GYG1: variants seen among roughly 807,000 people sequenced by gnomAD.
The protein encoded by GYG1 is glycogenin-1.
Under a neutral mutation model 41.9 loss-of-function variants are expected in GYG1, and 44 were observed. That is an observed-to-expected ratio of 1.05 (90% confidence interval 0.83 to 1.35). The LOEUF (loss-of-function observed/expected upper bound fraction) is 1.35. Ranked by LOEUF, GYG1 falls within the 40% of genes most tolerant of loss-of-function variation. The pLI is 0.00. For synonymous variants in GYG1, 141 were observed against 158.1 expected (o/e 0.89, Z 0.81); for missense variants, 429 against 418.9 (o/e 1.02, Z -0.21).
chr3:149,006,421 T>A (rs1289710991), intron 4 of GYG1, among the ~76,000 whole-genome samples: 1 of 152,184 alleles, frequency 6.6e-6, no homozygotes, highest in Non-Finnish European at 1.5e-5. Flanking sequence ...CTGTCATTCT[T>A]TCCCTCTCCC....
chr3:148,999,732 AAATT>A lies in GYG1; in HGVS notation c.481+2831_481+2834del, dbSNP rs1712992641. 3.3e-5 allele frequency among the ~76,000 whole-genome samples: 5 copies of A among 152,278 alleles called. No homozygotes were observed. In the South Asian group the frequency reaches 1.0e-3, roughly 32 times the overall value. On this transcript the variant is annotated intron_variant, in intron 4 of 7. Coordinates refer to ENST00000345003, the MANE Select transcript of GYG1 (RefSeq NM_004130.4). ...TAAAAGTAAATAGTCTTAAATATAA[AAATT>A]AAGAATTATATAAAAATAATTTTGG...
chr3:149,027,876 T>A lies in GYG1; in HGVS notation c.*943T>A, dbSNP rs892862414. Among the ~76,000 whole-genome samples the A allele has an allele frequency of 1.3e-5, 2 of 152,214 alleles. No individual in the cohort carries two copies. The highest frequency in any genetic ancestry group is 2.9e-5 in the Non-Finnish European group (2 of 68,036). The stretch of plus-strand genomic sequence containing the variant: ...TACATAGTGTCATCCACACTGCACC[T>A]CTCTATTAAGTGGGTATTTAGCTAT... On this transcript the variant is annotated 3_prime_UTR_variant, in exon 8 of 8. Coordinates refer to ENST00000345003, the MANE Select transcript of GYG1 (RefSeq NM_004130.4).
intron 5 of GYG1, 145 bp downstream of exon 5, chr3:149,009,547 C>T (rs1713603907): frequency 1.2e-6 from 1 of 868,746 alleles, no homozygotes; most frequent in East Asian, 2.5e-5. Flanking sequence ...ACCGTGGCTG[C>T]AATGGGGAGA....
chr3:149,000,513 G>C (rs957781013), intron 4 of GYG1, among the ~76,000 whole-genome samples: 5 of 152,222 alleles, frequency 3.3e-5, no homozygotes, highest in Non-Finnish European at 5.9e-5. Context: ...CCACATCGGT[G>C]AAATGAGGCT....
chr3:149,006,784 G>A (rs147687353), intron 4 of GYG1, among the ~76,000 whole-genome samples: 61 of 152,260 alleles, frequency 4.0e-4, no homozygotes, highest in African/African-American at 1.3e-3. Context: ...AAGACTTCAG[G>A]CCTCTGTACC....
chr3:149,026,114 G>A (rs1161832975), intron 6 of GYG1, among the ~76,000 whole-genome samples: 1 of 152,152 alleles, frequency 6.6e-6, no homozygotes, highest in African/African-American at 2.4e-5. Flanking sequence ...ACGTAATTAT[G>A]AACCAAGGAA....
intron 4 of GYG1, among the ~76,000 whole-genome samples, chr3:148,999,710 A>T (rs867164570): frequency 1.7e-4 from 26 of 152,254 alleles, no homozygotes; most frequent in South Asian, 4.1e-4. Flanking sequence ...AATATAGTAA[A>T]AGTAAATAGT....
chr3:149,005,200 T>G (rs889000313), intron 4 of GYG1, among the ~76,000 whole-genome samples: 11 of 152,114 alleles, frequency 7.2e-5, no homozygotes, highest in African/African-American at 1.7e-4. Context: ...GGTAGTATAC[T>G]TCATAATAAA....
intron 5 of GYG1, among the ~76,000 whole-genome samples, chr3:149,010,384 G>A (rs906628849): frequency 6.8e-6 from 1 of 146,958 alleles, no homozygotes; most frequent in Non-Finnish European, 1.5e-5. Flanking sequence ...CTGGAGTGCA[G>A]TGGCATGATC....
rs758604656 is a variant in GYG1, at chr3:148,996,495, G to A, written c.318+19G>A. The A allele has an allele frequency of 1.1e-5, 17 of 1,603,872 alleles. No individual in the cohort carries two copies. The South Asian group carries it at 1.8e-4, about 17-fold the overall frequency. On this transcript the variant is annotated intron_variant, in intron 3 of 7. Transcript: ENST00000345003. ...TACTCTGGTGAGTGTGGCTTTGAGGGTAGAAAAGAAAGACATATATATATA... is the reference window on the plus strand; with the variant it reads ...TACTCTGGTGAGTGTGGCTTTGAGGATAGAAAAGAAAGACATATATATATA...
chr3:149,005,562 G>A (rs559669230), intron 4 of GYG1, among the ~76,000 whole-genome samples: 102 of 152,212 alleles, frequency 6.7e-4, no homozygotes, highest in African/African-American at 2.3e-3. Context: ...AATATAAGTC[G>A]TTTAAATTTT....
rs71617495 is a variant in GYG1 at position 149,022,498 on chromosome 3, C to CTTTTTTTTTTTTTTTT, written c.609-1552_609-1537dup. ...AACAGTACCTTTTTTCTTGTTTTGC[C>CTTTTTTTTTTTTTTTT]TTTTTTTTTTTTTTTTTTGAGATGG... On this transcript the variant is annotated intron_variant, in intron 5 of 7. Transcript: ENST00000345003. Among the ~76,000 whole-genome samples, 62 of 69,578 alleles carry CTTTTTTTTTTTTTTTT rather than the reference C, an allele frequency of 8.9e-4. 5 individuals carry two copies. Among genetic ancestry groups the CTTTTTTTTTTTTTTTT allele is most frequent in the African/African-American group, 1.9e-3 (32 of 16,826 alleles). 45.6% of individuals were successfully genotyped at this position (69,578 alleles called of 152,430 possible).
chr3:149,009,932 C>G (rs556621013), intron 5 of GYG1, among the ~76,000 whole-genome samples: 3 of 152,332 alleles, frequency 2.0e-5, no homozygotes, highest in South Asian at 4.1e-4. Flanking sequence ...TCCTGGCCTA[C>G]TTACTGAACT....
At chr3:149,022,457 A>G (rs1464096456) in intron 5 of GYG1, among the ~76,000 whole-genome samples, 2 of 137,392 alleles carry the variant, frequency 1.5e-5, no homozygotes, top group Non-Finnish European at 3.1e-5. Context: ...TATTGATTAT[A>G]GTTTTCTGAT....
chr3:149,002,333 G>A lies in GYG1; in HGVS notation c.481+5429G>A, dbSNP rs1009556785. 3.3e-5 allele frequency among the ~76,000 whole-genome samples: 5 copies of A among 152,276 alleles called. No individual in the cohort carries two copies. In the East Asian group the frequency reaches 9.6e-4, roughly 29 times the overall value. Reference sequence around the variant, plus strand: ...TTCTAGTAAGTTCAGAGTACTAAGAGTCCAGACTAGGAGGACCTGCCTTAG... The same window carrying A: ...TTCTAGTAAGTTCAGAGTACTAAGAATCCAGACTAGGAGGACCTGCCTTAG... On this transcript the variant is annotated intron_variant, in intron 4 of 7. Coordinates refer to ENST00000345003, the MANE Select transcript of GYG1 (RefSeq NM_004130.4).
intron 5 of GYG1, among the ~76,000 whole-genome samples, chr3:149,010,699 G>T (rs778786414): frequency 7.2e-5 from 11 of 152,126 alleles, no homozygotes; most frequent in Non-Finnish European, 1.3e-4. Flanking sequence ...TTAGGGACAG[G>T]ATCCTATTAT....
intron 5 of GYG1, among the ~76,000 whole-genome samples, chr3:149,010,083 A>G (rs999566056): frequency 1.3e-5 from 2 of 152,194 alleles, no homozygotes; most frequent in Non-Finnish European, 2.9e-5. Flanking sequence ...GAGAAGCAAT[A>G]TAGTGTTCAG....
intron 1 of GYG1, among the ~76,000 whole-genome samples, chr3:148,993,389 C>T (rs1368385149): frequency 3.3e-5 from 5 of 152,022 alleles, no homozygotes; most frequent in Admixed American, 3.3e-4. Flanking sequence ...TTTAGGGCTT[C>T]TTGGGTGATC....
chr3:149,023,627 A>C (rs190107232), intron 5 of GYG1, among the ~76,000 whole-genome samples: 1 of 152,302 alleles, frequency 6.6e-6, no homozygotes, highest in Admixed American at 6.5e-5. Flanking sequence ...TGTATTTAAC[A>C]CACAACTGAA....
Sources: allele counts gnomAD v4.1 joint callset (sites outside exome capture counted in the v4.1 genomes callset), GRCh38; gene constraint gnomAD v4.1.1; transcripts MANE v1.5; gene names NCBI Gene and HGNC (gene_info 2026-07-23, HGNC 2026-07-21).